Variants in ST3GAL6 observed in about 807,000 individuals in gnomAD.
ST3GAL6 encodes ST3 beta-galactoside alpha-2,3-sialyltransferase 6.
ST3GAL6 carries 31 observed loss-of-function variants against 40.5 expected under a neutral mutation model. That is an observed-to-expected ratio of 0.77 (90% confidence interval 0.58 to 1.03). ST3GAL6 has a LOEUF of 1.03. Among genes scored for constraint, ST3GAL6 ranks in the 50% least tolerant of loss-of-function variants. The probability of loss-of-function intolerance (pLI) is 0.00; values close to 1 mark genes in which losing one functional copy is unlikely to be tolerated. For synonymous variants in ST3GAL6, 129 were observed against 136.9 expected, an observed-to-expected ratio of 0.94 and a Z score of 0.40; for missense variants, 357 against 393.2, an observed-to-expected ratio of 0.91 and a Z score of 0.78.
chr3:98,756,446 A>G (rs1372204521), intron 1 of ST3GAL6: 1 of 1,289,822 alleles, frequency 7.8e-7, no homozygotes, highest in Non-Finnish European at 1.0e-6. Flanking sequence ...TTCAGCAGGC[A>G]GCGTCCTGAG....
chr3:98,763,108 T>G (rs186525038), upstream of ST3GAL6: 2 of 985,350 alleles, frequency 2.0e-6, no homozygotes, highest in Non-Finnish European at 2.4e-6. Context: ...AAGGCTCAGG[T>G]CATATGGAGA....
intron 1 of ST3GAL6, among the ~76,000 whole-genome samples, chr3:98,766,405 C>CTTTTTTTTTTTTTTTTTTTTTT (rs369996406): frequency 9.6e-6 from 1 of 104,104 alleles, no homozygotes; most frequent in African/African-American, 4.1e-5. Context: ...AAATGTCATT[C>CTTTTTTTTTTTTTTTTTTTTTT]TTTTTTTTTT....
intron 1 of ST3GAL6, among the ~76,000 whole-genome samples, chr3:98,737,760 A>T (rs1240883006): frequency 6.6e-6 from 1 of 152,226 alleles, no homozygotes; most frequent in Non-Finnish European, 1.5e-5. Flanking sequence ...ACATTCAATG[A>T]TATCCAAAGG....
intron 1 of ST3GAL6, among the ~76,000 whole-genome samples, chr3:98,766,286 T>C (rs1253971286): frequency 1.3e-5 from 2 of 152,212 alleles, no homozygotes; most frequent in African/African-American, 4.8e-5. Flanking sequence ...GAATTTTGAC[T>C]TGTAAATACT....
intron 1 of ST3GAL6, among the ~76,000 whole-genome samples, chr3:98,735,807 A>G (rs1935494629): frequency 7.2e-6 from 1 of 138,082 alleles, no homozygotes; most frequent in Admixed American, 8.0e-5. Flanking sequence ...ATTGGATATT[A>G]TAGTGTTTTG....
At chr3:98,779,005 T>C (rs1281257440) in intron 5 of ST3GAL6, among the ~76,000 whole-genome samples, 1 of 152,192 alleles carries the variant, frequency 6.6e-6, no homozygotes, top group Non-Finnish European at 1.5e-5. Context: ...CATATAGTTA[T>C]CTGAATGGTG....
chr3:98,785,596 G>T (rs1269797235), intron 6 of ST3GAL6, among the ~76,000 whole-genome samples: 3 of 152,184 alleles, frequency 2.0e-5, no homozygotes, highest in Non-Finnish European at 4.4e-5. Context: ...GTAGCAGGCA[G>T]GGGGAGAGTG....
chr3:98,786,012 T>TGGAGAGTGGTATCATTTATTAAGTTGGG (rs1468764088), intron 6 of ST3GAL6, among the ~76,000 whole-genome samples: 1 of 152,098 alleles, frequency 6.6e-6, no homozygotes, highest in African/African-American at 2.4e-5. Flanking sequence ...GGAGATTGGC[T>TGGAGAGTGGTATCATTTATTAAGTTGGG]GGAGAGTGGT....
chr3:98,774,370 C>G (rs917526688), intron 5 of ST3GAL6, among the ~76,000 whole-genome samples: 3 of 152,152 alleles, frequency 2.0e-5, no homozygotes, highest in Non-Finnish European at 2.9e-5. Context: ...GAGATTCTTT[C>G]TGTCTCACTT....
At chr3:98,755,038 A>G (rs1374020745) in intron 1 of ST3GAL6, among the ~76,000 whole-genome samples, 1 of 152,012 alleles carries the variant, frequency 6.6e-6, no homozygotes, top group Non-Finnish European at 1.5e-5. Context: ...GTCTGAATTT[A>G]TTTTTTATTT....
chr3:98,753,013 ATATCTCTCAC>A (rs1937141614), intron 1 of ST3GAL6, among the ~76,000 whole-genome samples: 1 of 152,228 alleles, frequency 6.6e-6, no homozygotes, highest in East Asian at 1.9e-4. Context: ...GATGAGTTGT[ATATCTCTCAC>A]TTTAAATCAA....
At chr3:98,756,610 A>C in intron 1 of ST3GAL6, 1 of 1,103,598 alleles carries the variant, frequency 9.1e-7, no homozygotes, top group African/African-American at 1.8e-5. Flanking sequence ...TAATGTTCTT[A>C]TACAATGCTT....
In ST3GAL6 at chr3:98,788,309, A is replaced by T. The variant is rs760806407; in HGVS notation, c.619-17A>T. On this transcript the variant is annotated splice_polypyrimidine_tract_variant and intron_variant, in intron 7 of 9. Transcript: ENST00000483910. ...AGACAGCCACACTGTTCTATTCTCT[A>T]TATTTTTTACTTTCAGAACACTAAT... 21 of 1,600,494 alleles carry T rather than the reference A, an allele frequency of 1.3e-5. No homozygotes were observed. Among genetic ancestry groups the T allele is most frequent in the Non-Finnish European group, 1.8e-5 (21 of 1,175,146 alleles).
chr3:98,789,581 T>C (rs1298145797), intron 8 of ST3GAL6, among the ~76,000 whole-genome samples: 1 of 152,198 alleles, frequency 6.6e-6, no homozygotes, highest in Non-Finnish European at 1.5e-5. Context: ...AATATAGCAG[T>C]ACATGTGTTT....
chr3:98,775,530 T>A (rs907323896), intron 5 of ST3GAL6, among the ~76,000 whole-genome samples: 10 of 152,228 alleles, frequency 6.6e-5, no homozygotes, highest in Admixed American at 4.6e-4. Flanking sequence ...TGCAAATATT[T>A]GTAAAGATGC....
intron 3 of ST3GAL6, among the ~76,000 whole-genome samples, chr3:98,771,616 A>C (rs1938997925): frequency 6.6e-6 from 1 of 152,230 alleles, no homozygotes; most frequent in Admixed American, 6.5e-5. Context: ...AAGCATTAAA[A>C]ATTCATTTTT....
intron 9 of ST3GAL6, among the ~76,000 whole-genome samples, chr3:98,792,340 T>A (rs961775741): frequency 6.6e-6 from 1 of 152,214 alleles, no homozygotes; most frequent in Non-Finnish European, 1.5e-5. Context: ...TTGCTGTGCT[T>A]AATTATTCTC....
At chr3:98,754,869 A>G (rs1937304955) in intron 1 of ST3GAL6, among the ~76,000 whole-genome samples, 1 of 152,348 alleles carries the variant, frequency 6.6e-6, no homozygotes, top group East Asian at 1.9e-4. Flanking sequence ...AGATATGCAC[A>G]TTGGTTTTTA....
At chr3:98,781,778 C>T (rs1940152266) in intron 5 of ST3GAL6, among the ~76,000 whole-genome samples, 1 of 152,202 alleles carries the variant, frequency 6.6e-6, no homozygotes, top group Admixed American at 6.5e-5. Flanking sequence ...AGACTAGATA[C>T]CATCTATAGA....
Sources: gnomAD v4.1 joint callset for allele counts (sites outside exome capture counted in the v4.1 genomes callset) on GRCh38, gnomAD v4.1.1 for gene constraint, MANE v1.5 for transcripts, NCBI Gene and HGNC (gene_info 2026-07-23, HGNC 2026-07-21) for gene names.